ZNF236: variants seen among roughly 807,000 people sequenced by gnomAD.
ZNF236 encodes the protein zinc finger protein 236, also known as regulated by glucose.
In ZNF236, 50 loss-of-function variants were observed where a neutral mutation model predicts 191.2. The observed-to-expected ratio is 0.26, with a 90% CI of 0.21 to 0.33. ZNF236 has a LOEUF of 0.33. ZNF236 is among the 10% of genes least tolerant of loss of function. The pLI, the probability that ZNF236 is intolerant of heterozygous loss-of-function variation, is 1.00. For missense variants in ZNF236, 1,754 were observed against 2,374.5 expected (o/e 0.74, Z 5.43); for synonymous variants, 907 against 928.8 (o/e 0.98, Z 0.43).
chr18:76,886,954 A>C (rs979024834), intron 9 of ZNF236: 1 of 197,702 alleles, frequency 5.1e-6, no homozygotes, highest in Non-Finnish European at 1.1e-5. Context: ...TTCTGAATTC[A>C]CGTAGTCCAG....
intron 1 of ZNF236, among the ~76,000 whole-genome samples, chr18:76,837,633 G>GGTTTAGTAGAGACAGGTATGA (rs1477809056): frequency 6.6e-6 from 1 of 151,430 alleles, no homozygotes; most frequent in Non-Finnish European, 1.5e-5. Context: ...GTAGAGACAG[G>GGTTTAGTAGAGACAGGTATGA]GTTTCACCAT....
At chr18:76,954,694 C>A (rs931190134) in intron 27 of ZNF236, among the ~76,000 whole-genome samples, 1 of 152,182 alleles carries the variant, frequency 6.6e-6, no homozygotes, top group Non-Finnish European at 1.5e-5. Context: ...TAGAATAACA[C>A]CTGCAGATAC....
In ZNF236 at chr18:76,880,416, AG is replaced by A; in HGVS notation, c.1188+103del. 1 of 1,268,888 alleles carries A rather than the reference AG, an allele frequency of 7.9e-7. No homozygotes were observed. Among genetic ancestry groups the A allele is most frequent in the Non-Finnish European group, 1.1e-6 (1 of 942,648 alleles). The allele number at this position is 1,268,888 out of a possible 1,614,324, so 78.6% of individuals were successfully genotyped here. A position where few individuals can be genotyped will look rare whatever the true frequency, so the allele number is the denominator to read the frequency against. ...TAAATCTGCAGGGCTTGTCAAAGTC[AG>A]GGTATCCTCATGAAAAATGTGCCTG... On this transcript the variant is annotated intron_variant, in intron 8 of 30. Coordinates refer to ENST00000320610, the MANE Select transcript of ZNF236 (RefSeq NM_001306089.2). This position sits in a 1 kb window ranked among gnomAD's most constrained non-coding sequence, Gnocchi z 5.0.
chr18:76,875,522 G>A lies in ZNF236; in HGVS notation c.698G>A (p.Gly233Glu), dbSNP rs1419099587. ...AGGCCGTTCAAATGTAGTGAATGTG[G>A]AAAGGCTTTTAACCAGAAGGGGGCA... The part of the protein sequence containing the change: ...GERPFKCSEC[G>E]KAFNQKGALQ... Residue 233 changes from glycine to glutamate, a missense_variant, in exon 6 of 31, where the codon GGA becomes GAA. Gly to Glu is a moderately conservative substitution (Grantham distance 98, BLOSUM62 -2). Transcript: ENST00000320610. This position sits in a 1 kb window ranked among gnomAD's most constrained non-coding sequence, Gnocchi z 4.3. The A allele has an allele frequency of 1.9e-6, 3 of 1,558,206 alleles. No homozygotes were observed. The East Asian group carries it at 7.1e-5, about 37-fold the overall frequency.
At chr18:76,954,085 T>C (rs777643834) in intron 27 of ZNF236, among the ~76,000 whole-genome samples, 6 of 152,258 alleles carry the variant, frequency 3.9e-5, no homozygotes, top group African/African-American at 7.2e-5. Context: ...AGTATGATTT[T>C]AGCAAGATTC....
chr18:76,873,191 A>T (rs960282785), intron 5 of ZNF236, among the ~76,000 whole-genome samples: 1 of 152,246 alleles, frequency 6.6e-6, no homozygotes, highest in South Asian at 2.1e-4. Context: ...CAAAGTAGAG[A>T]TAAAGTAAAA....
intron 3 of ZNF236, among the ~76,000 whole-genome samples, chr18:76,866,051 T>G (rs1416606848): frequency 2.6e-5 from 4 of 152,216 alleles, no homozygotes; most frequent in African/African-American, 9.7e-5. Context: ...TACTGTAGTT[T>G]TTAAATCACT....
intron 3 of ZNF236, among the ~76,000 whole-genome samples, chr18:76,864,451 C>T (rs1466519308): frequency 6.6e-5 from 10 of 152,040 alleles, no homozygotes; most frequent in South Asian, 2.1e-4. Flanking sequence ...CTGCCCGCCT[C>T]GGCCTCCCAA....
At chr18:76,951,292 CTATAAAGCTGTT>C (rs951651494) in intron 27 of ZNF236, among the ~76,000 whole-genome samples, 5 of 152,230 alleles carry the variant, frequency 3.3e-5, no homozygotes, top group Admixed American at 6.5e-5. Flanking sequence ...TCTTCTTCCA[CTATAAAGCTGTT>C]CTGTTTACAC....
In ZNF236 at chr18:76,968,764, A is replaced by G; in HGVS notation, c.*425A>G. The G allele has an allele frequency of 2.0e-6, 2 of 992,924 alleles. No homozygotes were observed. The highest frequency in any genetic ancestry group is 2.4e-6 in the Non-Finnish European group (2 of 835,104). 61.5% of individuals were successfully genotyped at this position (992,924 alleles called of 1,614,324 possible). ...GAAGCATAGCTTACAAAGCAAGCGTAAGATTGAGGCATGAAGTTCAGAAAA... is the reference window on the plus strand; with the variant it reads ...GAAGCATAGCTTACAAAGCAAGCGTGAGATTGAGGCATGAAGTTCAGAAAA... On this transcript the variant is annotated 3_prime_UTR_variant, in exon 31 of 31. Coordinates refer to ENST00000320610, the MANE Select transcript of ZNF236 (RefSeq NM_001306089.2).
At chr18:76,926,728 C>CGTGTGTGT (rs1967695044) in intron 22 of ZNF236, among the ~76,000 whole-genome samples, 1 of 2,656 alleles carries the variant, frequency 3.8e-4, no homozygotes. Context: ...GTGATTAGAC[C>CGTGTGTGT]ATGTGTGTGT....
In ZNF236 at chr18:76,968,084, C is replaced by T; in HGVS notation, c.5420-131C>T. On this transcript the variant is annotated intron_variant, in intron 30 of 30. Coordinates refer to ENST00000320610, the MANE Select transcript of ZNF236 (RefSeq NM_001306089.2). ...CCTGCAGCTCAAATTACTCTTTTTT[C>T]ACTGGAATGAAAAGCAAATTACTTT... The T allele has an allele frequency of 4.1e-6, 5 of 1,209,058 alleles. No individual in the cohort carries two copies. In the South Asian group the frequency reaches 5.3e-5, roughly 13 times the overall value. 74.9% of individuals were successfully genotyped at this position (1,209,058 alleles called of 1,614,324 possible).
chr18:76,899,299 A>AT, intron 11 of ZNF236, 77 bp downstream of exon 11: 1 of 1,270,780 alleles, frequency 7.9e-7, no homozygotes, highest in Non-Finnish European at 1.1e-6. Flanking sequence ...GTGTACACAC[A>AT]TTATGGTCTC....
chr18:76,860,730 C>T (rs1177954388), intron 3 of ZNF236, among the ~76,000 whole-genome samples: 1 of 152,242 alleles, frequency 6.6e-6, no homozygotes, highest in Admixed American at 6.5e-5. Flanking sequence ...TAAGAACTTA[C>T]ACATTCCTTC....
chr18:76,950,604 A>T (rs1321469357), intron 27 of ZNF236, among the ~76,000 whole-genome samples: 1 of 152,068 alleles, frequency 6.6e-6, no homozygotes, highest in Non-Finnish European at 1.5e-5. Flanking sequence ...ATTCCTCCAC[A>T]TCTGTAGTTA....
chr18:76,966,715 C>T (rs563763113), intron 30 of ZNF236, among the ~76,000 whole-genome samples: 7 of 152,308 alleles, frequency 4.6e-5, no homozygotes, highest in South Asian at 4.2e-4. Flanking sequence ...TCTCTTGATT[C>T]GCTAACGTTC....
chr18:76,895,320 G>T, intron 10 of ZNF236, 35 bp downstream of exon 10: 1 of 1,592,332 alleles, frequency 6.3e-7, no homozygotes, highest in Non-Finnish European at 8.5e-7. Context: ...ACGGGCACTG[G>T]CCACGGGGGC....
At chr18:76,823,781 G>A (rs1300368836) in intron 1 of ZNF236, among the ~76,000 whole-genome samples, 2 of 152,170 alleles carry the variant, frequency 1.3e-5, no homozygotes, top group Non-Finnish European at 2.9e-5. Flanking sequence ...CAGGGGGATC[G>A]GGGCGCACTC....
At chr18:76,910,521 C>T (rs1464163431) in intron 15 of ZNF236, 139 bp from the exon 16 acceptor site, 6 of 834,082 alleles carry the variant, frequency 7.2e-6, no homozygotes. Flanking sequence ...TTAAAGCTTG[C>T]TAATAGCAGC....
Sources: allele counts gnomAD v4.1 joint callset (sites outside exome capture counted in the v4.1 genomes callset), GRCh38; gene constraint gnomAD v4.1.1; non-coding constraint Gnocchi (gnomAD v3.1); transcripts MANE v1.5; gene names NCBI Gene and HGNC (gene_info 2026-07-23, HGNC 2026-07-21).